GAS7: variants seen among roughly 807,000 people sequenced by gnomAD.
GAS7 encodes the protein growth arrest specific 7.
A neutral mutation model predicts 71.1 loss-of-function variants in GAS7; 28 were observed. The observed-to-expected ratio is 0.39, with a 90% confidence interval of 0.29 to 0.54. The LOEUF (loss-of-function observed/expected upper bound fraction) is 0.54. Ranked by LOEUF, GAS7 falls within the 20% of genes least tolerant of loss-of-function variation. GAS7 has a pLI of 0.62. For synonymous variants in GAS7, 258 were observed against 245.8 expected, an observed-to-expected ratio of 1.05 and a Z score of -0.46; for missense variants, 436 against 627.8, an observed-to-expected ratio of 0.69 and a Z score of 3.27.
chr17:10,182,697 C>G (rs1259157758), intron 1 of GAS7, among the ~76,000 whole-genome samples: 1 of 152,142 alleles, frequency 6.6e-6, no homozygotes, highest in Non-Finnish European at 1.5e-5. Context: ...CATCTAGGGG[C>G]TGCAGGAGAC....
intron 3 of GAS7, among the ~76,000 whole-genome samples, chr17:9,973,036 T>C (rs1328021516): frequency 1.3e-5 from 2 of 151,992 alleles, no homozygotes; most frequent in African/African-American, 2.4e-5. Context: ...GCCAATAACA[T>C]ACGCCAAAAG....
chr17:10,070,338 CTT>C (rs937810902), intron 1 of GAS7, among the ~76,000 whole-genome samples: 4 of 125,100 alleles, frequency 3.2e-5, no homozygotes, highest in South Asian at 2.6e-4. Context: ...CGTTCTCTCT[CTT>C]CTTTTTTTTT....
chr17:10,085,731 A>C (rs1471236556), intron 1 of GAS7, among the ~76,000 whole-genome samples: 1 of 150,884 alleles, frequency 6.6e-6, no homozygotes, highest in Non-Finnish European at 1.5e-5. Flanking sequence ...AGAAAGAAAG[A>C]GGAACCATCC....
chr17:10,092,433 G>C (rs535512327), intron 1 of GAS7, among the ~76,000 whole-genome samples: 1 of 152,178 alleles, frequency 6.6e-6, no homozygotes, highest in Non-Finnish European at 1.5e-5. Flanking sequence ...ACCCAAAATA[G>C]AGCCTGACAC....
intron 2 of GAS7, among the ~76,000 whole-genome samples, chr17:9,996,379 C>T (rs1316653116): frequency 7.0e-6 from 1 of 143,046 alleles, no homozygotes; most frequent in African/African-American, 2.6e-5. Flanking sequence ...AATGAGAACA[C>T]AGGGACACAG....
At chr17:10,122,296 G>A (rs549802806) in intron 1 of GAS7, among the ~76,000 whole-genome samples, 1 of 152,258 alleles carries the variant, frequency 6.6e-6, no homozygotes, top group South Asian at 2.1e-4. Flanking sequence ...ACAGAGCTCT[G>A]TCTTTAGCCA....
chr17:10,032,755 T>A (rs2072652262), intron 1 of GAS7, among the ~76,000 whole-genome samples: 2 of 152,218 alleles, frequency 1.3e-5, no homozygotes, highest in East Asian at 1.9e-4. Context: ...CAAGCTTCCC[T>A]CCAAACACTT....
At chr17:9,966,507 T>C (rs2069721040) in intron 4 of GAS7, among the ~76,000 whole-genome samples, 1 of 152,208 alleles carries the variant, frequency 6.6e-6, no homozygotes, top group Non-Finnish European at 1.5e-5. Flanking sequence ...GATGTTTAAG[T>C]GTAGTTATCA....
intron 1 of GAS7, among the ~76,000 whole-genome samples, chr17:10,125,529 AAAAAAAAG>A (rs1303998352): frequency 1.1e-5 from 1 of 90,054 alleles, no homozygotes; most frequent in Non-Finnish European, 2.1e-5. Flanking sequence ...CCATCTTAAA[AAAAAAAAG>A]AAAAAAAAAA....
chr17:10,044,978 T>C (rs748071241), intron 1 of GAS7, among the ~76,000 whole-genome samples: 3 of 143,494 alleles, frequency 2.1e-5, no homozygotes, highest in Non-Finnish European at 3.0e-5. Context: ...CACTTCATCT[T>C]GGCAGTGAGC....
At chr17:10,159,103 A>G (rs2074231328) in intron 1 of GAS7, among the ~76,000 whole-genome samples, 1 of 70,142 alleles carries the variant, frequency 1.4e-5, no homozygotes, top group South Asian at 5.0e-4. Flanking sequence ...TATATTAAAG[A>G]TAACACACAC....
chr17:10,128,314 T>TG (rs1426728261), intron 1 of GAS7, among the ~76,000 whole-genome samples: 1 of 152,216 alleles, frequency 6.6e-6, no homozygotes, highest in African/African-American at 2.4e-5. Context: ...CACAGACGAC[T>TG]GTTCCCTCTG....
At chr17:9,943,269 G>C (rs1383305017) in intron 6 of GAS7, 33 bp from the exon 7 acceptor site, 7 of 1,237,942 alleles carry the variant, frequency 5.7e-6, no homozygotes, top group Non-Finnish European at 8.4e-6. Flanking sequence ...AGAGTTTAGG[G>C]CACGTCTGAG....
chr17:10,005,066 T>C (rs1341412111), intron 2 of GAS7, among the ~76,000 whole-genome samples: 3 of 137,332 alleles, frequency 2.2e-5, no homozygotes, highest in Non-Finnish European at 4.5e-5. Context: ...TATATGTGTG[T>C]ATGCACGCAT....
chr17:9,949,017 A>G (rs757599526), intron 5 of GAS7, among the ~76,000 whole-genome samples: 1 of 152,188 alleles, frequency 6.6e-6, no homozygotes, highest in African/African-American at 2.4e-5. Context: ...CTCCAATGCT[A>G]GGCGGGGTGT....
intron 12 of GAS7, among the ~76,000 whole-genome samples, chr17:9,918,871 T>C (rs9895972): frequency 0.34 from 52,422 of 151,992 alleles, 9,208 homozygotes; most frequent in Middle Eastern, 0.48. Context: ...GGGGGCTTAA[T>C]TAGGAGATTA....
intron 2 of GAS7, among the ~76,000 whole-genome samples, chr17:9,984,341 G>A (rs2070553901): frequency 6.6e-6 from 1 of 152,032 alleles, no homozygotes; most frequent in African/African-American, 2.4e-5. Flanking sequence ...CCCATGGTTT[G>A]GGTTTCAGGA....
At chr17:9,982,825 GA>G (rs1210475633) in intron 2 of GAS7, among the ~76,000 whole-genome samples, 1 of 34,312 alleles carries the variant, frequency 2.9e-5, no homozygotes, top group Non-Finnish European at 5.6e-5. Flanking sequence ...GGAAAGAAAG[GA>G]AAGAAAGAAA....
At chr17:10,006,198 G>T (rs1158503938) in intron 2 of GAS7, among the ~76,000 whole-genome samples, 1 of 151,896 alleles carries the variant, frequency 6.6e-6, no homozygotes, top group African/African-American at 2.4e-5. Context: ...AACCTCCAAG[G>T]CCTGAACTGC....
Sources: gnomAD v4.1 joint callset for allele counts (sites outside exome capture counted in the v4.1 genomes callset) on GRCh38, gnomAD v4.1.1 for gene constraint, MANE v1.5 for transcripts, NCBI Gene and HGNC (gene_info 2026-07-23, HGNC 2026-07-21) for gene names.